The following SEMA3D variants were observed in gnomAD, a reference collection of about 807,000 sequenced individuals.
SEMA3D encodes semaphorin-3D.
Under a neutral mutation model 100.1 loss-of-function variants are expected in SEMA3D, and 84 were observed. The observed-to-expected ratio is 0.84, with a 90% CI of 0.70 to 1.01. SEMA3D has a LOEUF of 1.01. Among genes scored for constraint, SEMA3D ranks in the 50% least tolerant of loss-of-function variants. The pLI is 0.00. For missense variants in SEMA3D, 875 were observed against 934.1 expected, an observed-to-expected ratio of 0.94 and a Z score of 0.82; for synonymous variants, 312 against 320.7, an observed-to-expected ratio of 0.97 and a Z score of 0.29.
chr7:85,151,598 CGTGTGTGT>C (rs57024733), intron 2 of SEMA3D: 30,696 of 848,004 alleles, frequency 0.036, 219 homozygotes, highest in East Asian at 0.076. Flanking sequence ...TGTGTGTATG[CGTGTGTGT>C]GTGTGTGTGT....
chr7:85,080,205 C>G (rs1174020281), intron 5 of SEMA3D, among the ~76,000 whole-genome samples: 1 of 152,094 alleles, frequency 6.6e-6, no homozygotes, highest in Non-Finnish European at 1.5e-5. Flanking sequence ...TAGAAGTCAT[C>G]ATTTGAGCAG....
chr7:85,007,467 G>A (rs1056412378), intron 17 of SEMA3D, among the ~76,000 whole-genome samples: 4 of 151,738 alleles, frequency 2.6e-5, no homozygotes, highest in Non-Finnish European at 5.9e-5. Flanking sequence ...TGATGAGCCA[G>A]ATGCACTAAT....
the SEMA3D span, among the ~76,000 whole-genome samples, chr7:85,214,497 A>G: frequency 6.6e-6 from 1 of 151,952 alleles, no homozygotes; most frequent in Non-Finnish European, 1.5e-5. Flanking sequence ...TATTTTAATT[A>G]ATTAATTAAT....
At chr7:85,092,983 A>G (rs1163260246) in intron 4 of SEMA3D, among the ~76,000 whole-genome samples, 1 of 152,078 alleles carries the variant, frequency 6.6e-6, no homozygotes, top group Non-Finnish European at 1.5e-5. Flanking sequence ...AAGGCTATCT[A>G]CTGAAAGAAA....
chr7:85,169,994 T>C (rs1399795407), intron 1 of SEMA3D, among the ~76,000 whole-genome samples: 1 of 151,708 alleles, frequency 6.6e-6, no homozygotes, highest in Non-Finnish European at 1.5e-5. Context: ...TGTGATCTGG[T>C]TTGGTATTCT....
At chr7:85,102,806 G>C (rs1359136181) in intron 3 of SEMA3D, among the ~76,000 whole-genome samples, 1 of 151,806 alleles carries the variant, frequency 6.6e-6, no homozygotes, top group Non-Finnish European at 1.5e-5. Flanking sequence ...TACACAGTGA[G>C]AAAAATAAAT....
chr7:85,088,213 A>G (rs1424165003), intron 4 of SEMA3D, among the ~76,000 whole-genome samples: 2 of 152,200 alleles, frequency 1.3e-5, no homozygotes, highest in Non-Finnish European at 2.9e-5. Context: ...ATTTTTAATT[A>G]TTCAGTGTTA....
At chr7:85,174,501 A>C (rs1449783173) in intron 1 of SEMA3D, among the ~76,000 whole-genome samples, 2 of 152,154 alleles carry the variant, frequency 1.3e-5, no homozygotes. Flanking sequence ...GAATGGATTA[A>C]TTTCAGTCAA....
At chr7:85,034,706 C>T (rs1010650467) in intron 12 of SEMA3D, among the ~76,000 whole-genome samples, 1 of 152,014 alleles carries the variant, frequency 6.6e-6, no homozygotes, top group African/African-American at 2.4e-5. Context: ...CCAATGGGTA[C>T]ATGAAAATTA....
At position 84,995,751 on chromosome 7, in the gene SEMA3D, G is replaced by T. The variant is rs1789481877; in HGVS notation, c.*3689C>A. 6.6e-6 allele frequency: 1 copy of T among 151,870 alleles called. No individual in the cohort carries two copies. Among genetic ancestry groups the T allele is most frequent in the Non-Finnish European group, 1.5e-5 (1 of 67,880 alleles). The allele number at this position is 151,870 out of a possible 1,614,324, so 9.4% of individuals were successfully genotyped here. On this transcript the variant is annotated 3_prime_UTR_variant, in exon 19 of 19. Transcript: ENST00000284136. ...TTAACTAGGGCATCTGACACATTTTGCCCTTTCCCAAAAATCATCTATCTC... is the reference window on the plus strand; with the variant it reads ...TTAACTAGGGCATCTGACACATTTTTCCCTTTCCCAAAAATCATCTATCTC...
the SEMA3D span, among the ~76,000 whole-genome samples, chr7:85,211,751 C>A: frequency 1.3e-5 from 2 of 152,044 alleles, no homozygotes; most frequent in Non-Finnish European, 2.9e-5. Flanking sequence ...TCCTCCTCAG[C>A]CTACTCATCA....
In SEMA3D at chr7:84,999,088, A is replaced by G. The variant is rs1274670396; in HGVS notation, c.*352T>C. Reference sequence around the variant, plus strand: ...ATGGTAAATTCCATGCTTAATGGACATTCGAGGGAATAAAGCACCTTATAC... The same window carrying G: ...ATGGTAAATTCCATGCTTAATGGACGTTCGAGGGAATAAAGCACCTTATAC... On this transcript the variant is annotated 3_prime_UTR_variant, in exon 19 of 19. Coordinates refer to ENST00000284136, the MANE Select transcript of SEMA3D (RefSeq NM_001384900.1). The G allele has an allele frequency of 4.2e-6, 1 of 236,292 alleles. No individual in the cohort carries two copies. The highest frequency in any genetic ancestry group is 8.3e-6 in the Non-Finnish European group (1 of 120,986). The allele number at this position is 236,292 out of a possible 1,614,324, so 14.6% of individuals were successfully genotyped here.
chr7:85,168,943 A>G (rs1367900769), intron 1 of SEMA3D, among the ~76,000 whole-genome samples: 4 of 151,634 alleles, frequency 2.6e-5, no homozygotes, highest in African/African-American at 9.7e-5. Flanking sequence ...AAGGAATTCA[A>G]ACCAGCTTGT....
At chr7:85,227,841 G>A in the SEMA3D span, among the ~76,000 whole-genome samples, 5 of 151,838 alleles carry the variant, frequency 3.3e-5, no homozygotes, top group South Asian at 2.1e-4. Flanking sequence ...CAGATTGTTC[G>A]TACAATATTA....
intron 3 of SEMA3D, among the ~76,000 whole-genome samples, chr7:85,110,792 G>C (rs1462407199): frequency 1.3e-5 from 2 of 151,804 alleles, no homozygotes; most frequent in Non-Finnish European, 2.9e-5. Flanking sequence ...TGATCTCTTT[G>C]CTTCTCCAGC....
At chr7:85,012,072 G>A (rs571848590) in intron 17 of SEMA3D, among the ~76,000 whole-genome samples, 1 of 151,728 alleles carries the variant, frequency 6.6e-6, no homozygotes, top group Admixed American at 6.6e-5. Flanking sequence ...TCTGTTCTCA[G>A]ACTCACTCAC....
intron 3 of SEMA3D, among the ~76,000 whole-genome samples, chr7:85,100,434 G>A (rs779860777): frequency 3.5e-4 from 53 of 150,864 alleles, no homozygotes; most frequent in Non-Finnish European, 5.5e-4. Context: ...AAGTACTTAC[G>A]ATATTATCTT....
intron 1 of SEMA3D, chr7:85,162,958 G>A (rs1047026627): frequency 5.8e-6 from 3 of 513,132 alleles, no homozygotes; most frequent in African/African-American, 4.2e-5. Context: ...GCGACTGAAT[G>A]TCATAAGGCA....
At chr7:85,168,929 G>C (rs570034646) in intron 1 of SEMA3D, among the ~76,000 whole-genome samples, 4 of 151,514 alleles carry the variant, frequency 2.6e-5, no homozygotes, top group African/African-American at 9.7e-5. Context: ...TGTTGGGGCA[G>C]GGGAAGGAAT....
Sources: gnomAD v4.1 joint callset for allele counts (sites outside exome capture counted in the v4.1 genomes callset) on GRCh38, gnomAD v4.1.1 for gene constraint, MANE v1.5 for transcripts, NCBI Gene and HGNC (gene_info 2026-07-23, HGNC 2026-07-21) for gene names.